SCLT1: variants seen among roughly 807,000 people sequenced by gnomAD.
The protein encoded by SCLT1 is sodium channel-associated protein 1.
SCLT1 carries 78 observed loss-of-function variants against 112.8 expected under a neutral mutation model. The observed-to-expected ratio is 0.69, with a 90% CI of 0.58 to 0.83. The LOEUF (loss-of-function observed/expected upper bound fraction) is 0.83, where lower values mean the gene tolerates loss of function less well. SCLT1 is among the 40% of genes least tolerant of loss of function. The pLI is 0.00. For synonymous variants in SCLT1, 257 were observed against 254.7 expected, an observed-to-expected ratio of 1.01 and a Z score of -0.09; for missense variants, 747 against 770.4, an observed-to-expected ratio of 0.97 and a Z score of 0.36.
intron 11 of SCLT1, among the ~76,000 whole-genome samples, chr4:128,962,546 C>T (rs1739831283): frequency 6.6e-6 from 1 of 152,148 alleles, no homozygotes; most frequent in South Asian, 2.1e-4. Flanking sequence ...CTAAGAAATC[C>T]TCCCACCTTT....
At chr4:128,973,641 C>G (rs1049752735) in intron 9 of SCLT1, among the ~76,000 whole-genome samples, 1 of 151,890 alleles carries the variant, frequency 6.6e-6, no homozygotes, top group Non-Finnish European at 1.5e-5. Flanking sequence ...ATTTTATGAA[C>G]AATTATTCCA....
chr4:128,944,696 A>G (rs1281742836), intron 16 of SCLT1: 1 of 152,218 alleles, frequency 6.6e-6, no homozygotes, highest in East Asian at 1.9e-4. Context: ...AAAAAAGTTC[A>G]TCAAATATAC....
At chr4:128,948,335 C>CAAAAAAAAAAAAAAAAAAAAAAA (rs11312069) in intron 15 of SCLT1, among the ~76,000 whole-genome samples, 161 bp downstream of exon 15, 1 of 47,966 alleles carries the variant, frequency 2.1e-5, no homozygotes, top group Non-Finnish European at 4.1e-5. Context: ...GACTCCATTG[C>CAAAAAAAAAAAAAAAAAAAAAAA]AAAAAAAAAA....
At chr4:129,063,079 C>CT (rs1322725460) in intron 2 of SCLT1, among the ~76,000 whole-genome samples, 1 of 152,314 alleles carries the variant, frequency 6.6e-6, no homozygotes, top group African/African-American at 2.4e-5. Context: ...TTTCAATCTT[C>CT]TTTTTTTCTT....
intron 18 of SCLT1, among the ~76,000 whole-genome samples, chr4:128,916,205 A>G (rs1735459892): frequency 6.6e-6 from 1 of 152,250 alleles, no homozygotes; most frequent in African/African-American, 2.4e-5. Context: ...CAGGGATACT[A>G]AAATTCTGAA....
chr4:129,063,955 T>C (rs1216714804), intron 2 of SCLT1, among the ~76,000 whole-genome samples: 1 of 152,188 alleles, frequency 6.6e-6, no homozygotes, highest in Non-Finnish European at 1.5e-5. Flanking sequence ...CTGTGCCATC[T>C]TGGGGCAGGA....
chr4:129,050,037 A>G (rs1748618464), intron 2 of SCLT1, among the ~76,000 whole-genome samples: 1 of 151,974 alleles, frequency 6.6e-6, no homozygotes, highest in Admixed American at 6.6e-5. Context: ...ATGCTTTCCA[A>G]CTTCATCCAT....
chr4:129,006,812 G>A (rs1404706049), intron 5 of SCLT1, among the ~76,000 whole-genome samples: 2 of 152,128 alleles, frequency 1.3e-5, no homozygotes. Flanking sequence ...GGTTTAGATT[G>A]CTGTTCTTTT....
intron 18 of SCLT1, among the ~76,000 whole-genome samples, chr4:128,905,330 T>A (rs1013517460): frequency 2.6e-5 from 4 of 152,136 alleles, no homozygotes; most frequent in African/African-American, 9.7e-5. Flanking sequence ...CTTCTCTCCA[T>A]CTCCACTGAA....
chr4:128,946,778 C>T (rs1738204228), intron 15 of SCLT1, among the ~76,000 whole-genome samples: 1 of 152,204 alleles, frequency 6.6e-6, no homozygotes. Flanking sequence ...CTAGAACTCT[C>T]TGCAAGTGAC....
At chr4:128,953,850 C>G (rs553813001) in intron 13 of SCLT1, among the ~76,000 whole-genome samples, 2 of 151,322 alleles carry the variant, frequency 1.3e-5, no homozygotes, top group Admixed American at 6.6e-5. Flanking sequence ...GCTTTTGACT[C>G]ATAAACAGAA....
intron 5 of SCLT1, among the ~76,000 whole-genome samples, chr4:129,029,873 T>G (rs1202953928): frequency 6.6e-6 from 1 of 152,042 alleles, no homozygotes; most frequent in Non-Finnish European, 1.5e-5. Context: ...GTGGGAGACT[T>G]TAACATCCCA....
intron 20 of SCLT1, among the ~76,000 whole-genome samples, chr4:128,888,442 T>C (rs1733057660): frequency 6.6e-6 from 1 of 152,176 alleles, no homozygotes; most frequent in African/African-American, 2.4e-5. Context: ...GGTCTTGAAC[T>C]CCTGGCCTCA....
chr4:129,037,770 A>G (rs1747311195), intron 5 of SCLT1: 2 of 152,236 alleles, frequency 1.3e-5, no homozygotes, highest in South Asian at 4.1e-4. Context: ...TACAGATCAC[A>G]TATGCACTTT....
chr4:128,957,260 A>G, intron 12 of SCLT1, 136 bp from the exon 13 acceptor site: 1 of 522,516 alleles, frequency 1.9e-6, no homozygotes, highest in East Asian at 3.2e-5. Context: ...TGTTGAAATC[A>G]CGAATGATAT....
Position 129,055,182 on chromosome 4 carries a change from C to T in SCLT1, c.103-11131G>A, listed in dbSNP as rs569994861. ...CTGGCCTAATGCCAGCTGGAGCTCT[C>T]CTGTATGAGGAGTCAGTCAACCCTT... On this transcript the variant is annotated intron_variant, in intron 2 of 20. Coordinates refer to ENST00000281142, the MANE Select transcript of SCLT1 (RefSeq NM_144643.4). 2.0e-5 allele frequency among the ~76,000 whole-genome samples: 3 copies of T among 152,316 alleles called. No individual in the cohort carries two copies. The South Asian group carries it at 6.2e-4, about 32-fold the overall frequency.
At chr4:128,920,781 C>T (rs923327387) in intron 18 of SCLT1, among the ~76,000 whole-genome samples, 6 of 152,166 alleles carry the variant, frequency 3.9e-5, no homozygotes, top group African/African-American at 1.2e-4. Context: ...CTCACTACCC[C>T]TATTCAACAT....
At chr4:128,967,871 T>C (rs188466236) in intron 10 of SCLT1, among the ~76,000 whole-genome samples, 130 of 152,288 alleles carry the variant, frequency 8.5e-4, no homozygotes, top group South Asian at 3.5e-3. Context: ...CACTTGTCAA[T>C]TTTTGCTTTT....
chr4:129,003,678 A>G (rs1433999607), intron 6 of SCLT1, 63 bp downstream of exon 6: 1 of 1,242,830 alleles, frequency 8.0e-7, no homozygotes, highest in Non-Finnish European at 1.1e-6. Flanking sequence ...ATAATGATTA[A>G]CATGAATTTT....
Sources: gnomAD v4.1 joint callset for allele counts (sites outside exome capture counted in the v4.1 genomes callset) on GRCh38, gnomAD v4.1.1 for gene constraint, MANE v1.5 for transcripts, NCBI Gene and HGNC (gene_info 2026-07-23, HGNC 2026-07-21) for gene names.